The following ATP6V1B1 variants were observed in gnomAD, a reference collection of about 807,000 sequenced individuals.
ATP6V1B1 encodes the protein ATPase H+ transporting V1 subunit B1.
Under a neutral mutation model 62.1 loss-of-function variants are expected in ATP6V1B1, and 41 were observed. The ratio of observed to expected loss-of-function variants is 0.66; its 90% confidence interval spans 0.51 to 0.86. The LOEUF (loss-of-function observed/expected upper bound fraction) is 0.86. Among genes scored for constraint, ATP6V1B1 ranks in the 40% least tolerant of loss-of-function variants. ATP6V1B1 has a pLI of 0.00. For missense variants in ATP6V1B1, 651 were observed against 697.5 expected (o/e 0.93, Z 0.75); for synonymous variants, 253 against 273.4 (o/e 0.93, Z 0.74).
chr2:70,964,764 T>C lies in ATP6V1B1; in HGVS notation c.1277T>C (p.Val426Ala), dbSNP rs1558680914. ...LYACYAIGKD[V>A]QAMKAVVGEE... ...GCCTGCTATGCCATCGGGAAGGACG[T>C]GCAGGCCATGAAGGCAGTAGTTGGG... The change falls in exon 13 of 14, where the codon GTG becomes GCG. Residue 426 changes from valine to alanine, a missense_variant. Coordinates refer to ENST00000234396, the MANE Select transcript of ATP6V1B1 (RefSeq NM_001692.4). 6.2e-7 allele frequency: 1 copy of C among 1,613,986 alleles called. No homozygotes were observed. Among genetic ancestry groups the C allele is most frequent in the South Asian group, 1.1e-5 (1 of 91,076 alleles).
In ATP6V1B1 at chr2:70,946,217, T is replaced by G. The variant is rs192718007; in HGVS notation, c.174+2504T>G. ...CCTGTCAAAACCTGAGCCAACAATA[T>G]TAAATAAATCAGACCCATTCTTTGC... On this transcript the variant is annotated intron_variant, in intron 2 of 13. Coordinates refer to ENST00000234396, the MANE Select transcript of ATP6V1B1 (RefSeq NM_001692.4). Among the ~76,000 whole-genome samples the G allele has an allele frequency of 4.4e-3, 667 of 152,290 alleles. 6 individuals are homozygous for G. The highest frequency in any genetic ancestry group is 0.015 in the African/African-American group (638 of 41,546).
intron 2 of ATP6V1B1, among the ~76,000 whole-genome samples, chr2:70,946,058 G>A (rs1201751745): frequency 6.6e-6 from 1 of 151,978 alleles, no homozygotes; most frequent in African/African-American, 2.4e-5. Context: ...TTCATCTTCA[G>A]CTCCAGAAGC....
chr2:70,965,178 C>G lies in ATP6V1B1; in HGVS notation c.*57C>G, dbSNP rs1680695130. The G allele has an allele frequency of 1.3e-6, 2 of 1,590,748 alleles. No homozygotes were observed. Among genetic ancestry groups the G allele is most frequent in the Admixed American group, 1.7e-5 (1 of 59,696 alleles). On this transcript the variant is annotated 3_prime_UTR_variant, in exon 14 of 14. Coordinates refer to ENST00000234396, the MANE Select transcript of ATP6V1B1 (RefSeq NM_001692.4). Reference sequence around the variant, plus strand: ...GGGAACCTACCCTCGGCTCCCGGGTCTCCCCTCCCTCGCCACCCCAACCAG... The same window carrying G: ...GGGAACCTACCCTCGGCTCCCGGGTGTCCCCTCCCTCGCCACCCCAACCAG...
chr2:70,950,139 G>T (rs2104815639), intron 2 of ATP6V1B1, among the ~76,000 whole-genome samples: 1 of 151,914 alleles, frequency 6.6e-6, no homozygotes, highest in East Asian at 1.9e-4. Flanking sequence ...TTCTATAATA[G>T]TCCTATAAAA....
Position 70,964,555 on chromosome 2 carries a change from G to C in ATP6V1B1, c.1248+13G>C. 1 of 1,613,438 alleles carries C rather than the reference G, an allele frequency of 6.2e-7. No homozygotes were observed. The highest frequency in any genetic ancestry group is 1.3e-5 in the African/African-American group (1 of 75,042). On this transcript the variant is annotated intron_variant, in intron 12 of 13. Transcript: ENST00000234396. Reference sequence around the variant, plus strand: ...CTCCAACCAGCTGGTAAGGAGAAGAGGGTCCGGGGGCTGGTAGGTCCTCTA... The same window carrying C: ...CTCCAACCAGCTGGTAAGGAGAAGACGGTCCGGGGGCTGGTAGGTCCTCTA...
intron 2 of ATP6V1B1, among the ~76,000 whole-genome samples, chr2:70,945,515 TG>T (rs1680136891): frequency 6.6e-6 from 1 of 151,770 alleles, no homozygotes; most frequent in African/African-American, 2.4e-5. Flanking sequence ...TGACAAAGAA[TG>T]GGGGATTGTG....
chr2:70,945,831 T>C (rs963662270), intron 2 of ATP6V1B1, among the ~76,000 whole-genome samples: 19 of 150,624 alleles, frequency 1.3e-4, no homozygotes, highest in African/African-American at 4.6e-4. Flanking sequence ...GATTTTTCCC[T>C]CTGCCTCCTA....
intron 1 of ATP6V1B1, chr2:70,942,357 G>C: frequency 5.0e-6 from 2 of 398,666 alleles, no homozygotes; most frequent in East Asian, 3.6e-5. Context: ...TTTTCCAAAT[G>C]GTTGTTACAC....
chr2:70,936,115 A>T, intron 1 of ATP6V1B1, 43 bp downstream of exon 1: 62 of 1,578,786 alleles, frequency 3.9e-5, no homozygotes, highest in Non-Finnish European at 4.8e-5. Context: ...CAGGGTGGGG[A>T]GCTGGGGTGG....
chr2:70,943,708 G>C lies in ATP6V1B1; in HGVS notation c.169G>C (p.Val57Leu), dbSNP rs1355993805. 1.2e-6 allele frequency: 2 copies of C among 1,613,580 alleles called. No individual in the cohort carries two copies. The highest frequency in any genetic ancestry group is 8.5e-7 in the Non-Finnish European group (1 of 1,179,966). The change falls in exon 2 of 14, where the codon GTC becomes CTC. Residue 57 changes from valine (V) to leucine (L), a missense_variant. By Grantham distance (32) the Val-to-Leu change is conservative. Transcript: ENST00000234396. ...CGGGCCCCTGGTGGTGCTGGACCGG[G>C]TCAAGGTAAGACTCTTCTGCTGCCT... ...VNGPLVVLDR[V>L]KFAQYAEIVH...
In ATP6V1B1 at chr2:70,963,105, C is replaced by A; in HGVS notation, c.910-57C>A. Reference sequence around the variant, plus strand: ...AGGGTCACTGAACCTCCCACCCACCCTTCCTAGCTTCAGCCTCTCATCCCC... The same window carrying A: ...AGGGTCACTGAACCTCCCACCCACCATTCCTAGCTTCAGCCTCTCATCCCC... On this transcript the variant is annotated intron_variant, in intron 9 of 13. Coordinates refer to ENST00000234396, the MANE Select transcript of ATP6V1B1 (RefSeq NM_001692.4). This position sits in a 1 kb window ranked among gnomAD's most constrained non-coding sequence, Gnocchi z 4.3. The A allele has an allele frequency of 1.2e-6, 2 of 1,612,700 alleles. No homozygotes were observed. Among genetic ancestry groups the A allele is most frequent in the Non-Finnish European group, 1.7e-6 (2 of 1,179,262 alleles).
chr2:70,952,950 C>A (rs1553418524), intron 2 of ATP6V1B1, among the ~76,000 whole-genome samples: 1 of 152,040 alleles, frequency 6.6e-6, no homozygotes, highest in Admixed American at 6.6e-5. Flanking sequence ...CATTGAATAT[C>A]ATATTTTTCT....
chr2:70,936,120 G>C (rs1553415324), intron 1 of ATP6V1B1, 48 bp downstream of exon 1: 2 of 1,587,982 alleles, frequency 1.3e-6, no homozygotes, highest in South Asian at 1.1e-5. Flanking sequence ...TGGGGAGCTG[G>C]GGTGGGCTGC....
chr2:70,962,568 T>C (rs568341392), intron 8 of ATP6V1B1, among the ~76,000 whole-genome samples: 1 of 152,290 alleles, frequency 6.6e-6, no homozygotes, highest in Non-Finnish European at 1.5e-5. Context: ...TTTCCTACCT[T>C]GGACAGTAGG....
chr2:70,940,619 AC>A, intron 1 of ATP6V1B1: 1 of 984,632 alleles, frequency 1.0e-6, no homozygotes, highest in Non-Finnish European at 1.2e-6. Flanking sequence ...TCTGTCTCCT[AC>A]CCTTTCTCGT....
intron 1 of ATP6V1B1, chr2:70,941,245 C>T (rs1553416374): frequency 2.0e-6 from 2 of 978,706 alleles, no homozygotes; most frequent in African/African-American, 1.8e-5. Flanking sequence ...GTACCATATT[C>T]CCAGCACTAT....
intron 1 of ATP6V1B1, among the ~76,000 whole-genome samples, chr2:70,936,669 A>G (rs1330306051): frequency 6.6e-6 from 1 of 152,098 alleles, no homozygotes; most frequent in African/African-American, 2.4e-5. Flanking sequence ...GTGTGACTGC[A>G]TGCTTATGCA....
chr2:70,961,650 A>G lies in ATP6V1B1; in HGVS notation c.742A>G (p.Met248Val), dbSNP rs374247715. 1.1e-5 allele frequency: 18 copies of G among 1,614,110 alleles called. No homozygotes were observed. The highest frequency in any genetic ancestry group is 1.4e-5 in the Non-Finnish European group (16 of 1,180,036). ...FKSDFEQNGT[M>V]GNVCLFLNLA... ...GTCTGACTTTGAGCAGAATGGAACC[A>G]TGGGGAACGTCTGCCTCTTCCTGAA... The change falls in exon 8 of 14, where the codon ATG (methionine) becomes GTG (valine). Residue 248 changes from methionine to valine, a missense_variant. Met to Val is a conservative substitution (Grantham distance 21, BLOSUM62 1). Coordinates refer to ENST00000234396, the MANE Select transcript of ATP6V1B1 (RefSeq NM_001692.4).
intron 1 of ATP6V1B1, chr2:70,938,675 A>G: frequency 1.0e-6 from 1 of 985,434 alleles, no homozygotes; most frequent in Non-Finnish European, 1.2e-6. Context: ...TACCTTGGGA[A>G]AGAAGGGTCC....
Sources: allele counts gnomAD v4.1 joint callset (sites outside exome capture counted in the v4.1 genomes callset), GRCh38; gene constraint gnomAD v4.1.1; non-coding constraint Gnocchi (gnomAD v3.1); transcripts MANE v1.5; gene names NCBI Gene and HGNC (gene_info 2026-07-23, HGNC 2026-07-21).